Variants in DOCK4 observed in about 807,000 individuals in gnomAD.
The protein encoded by DOCK4 is dedicator of cytokinesis protein 4.
In DOCK4, 97 loss-of-function variants were observed where a neutral mutation model predicts 268.1. The ratio of observed to expected loss-of-function variants is 0.36; its 90% CI spans 0.31 to 0.43. DOCK4 has a LOEUF of 0.43. DOCK4 is among the 20% of genes least tolerant of loss of function. DOCK4 has a pLI of 1.00. For synonymous variants in DOCK4, 954 were observed against 887.2 expected (o/e 1.08, Z -1.34); for missense variants, 2,145 against 2,455.7 (o/e 0.87, Z 2.67).
At chr7:112,173,308 T>G (rs1273184803) in intron 1 of DOCK4, among the ~76,000 whole-genome samples, 2 of 152,204 alleles carry the variant, frequency 1.3e-5, no homozygotes. Context: ...TACTTTTCCA[T>G]GTTTCAACAC....
intron 1 of DOCK4, among the ~76,000 whole-genome samples, chr7:112,145,568 G>A (rs1040639781): frequency 2.0e-5 from 3 of 152,118 alleles, no homozygotes; most frequent in Admixed American, 6.6e-5. Flanking sequence ...AATTCCAAAC[G>A]GACATACCAT....
chr7:112,197,929 C>G (rs1048395941), intron 1 of DOCK4, among the ~76,000 whole-genome samples: 7 of 145,596 alleles, frequency 4.8e-5, no homozygotes, highest in African/African-American at 1.8e-4. Context: ...CTCAAGGTGG[C>G]CAAACAAAAA....
chr7:111,922,178 C>T (rs1793195330), intron 12 of DOCK4, among the ~76,000 whole-genome samples: 1 of 152,196 alleles, frequency 6.6e-6, no homozygotes, highest in African/African-American at 2.4e-5. Context: ...CTTTAGAAGA[C>T]ACTTAGCATG....
At chr7:112,120,596 C>T (rs960879) in intron 1 of DOCK4, among the ~76,000 whole-genome samples, 56,672 of 151,988 alleles carry the variant, frequency 0.37, 10,947 homozygotes, top group East Asian at 0.56. Context: ...CCTGGTTTGA[C>T]ATAAAGTCAA....
intron 1 of DOCK4, among the ~76,000 whole-genome samples, chr7:112,130,987 G>C (rs75997033): frequency 0.015 from 2,348 of 152,186 alleles, 64 homozygotes; most frequent in African/African-American, 0.055. Context: ...AATAAATAGG[G>C]TCATTTCTCA....
chr7:112,097,504 G>C (rs1810262179), intron 1 of DOCK4, among the ~76,000 whole-genome samples: 1 of 152,116 alleles, frequency 6.6e-6, no homozygotes, highest in African/African-American at 2.4e-5. Context: ...TTGAGCCTGA[G>C]AGGTCAAGGC....
At chr7:111,977,111 C>A (rs1215952554) in intron 8 of DOCK4, 21 bp downstream of exon 8, 30 of 1,611,682 alleles carry the variant, frequency 1.9e-5, no homozygotes, top group Non-Finnish European at 2.2e-5. Flanking sequence ...ACATTGAAAC[C>A]CTATCTCCAC....
chr7:111,745,454 G>A (rs920699535), intron 44 of DOCK4, among the ~76,000 whole-genome samples: 27 of 151,790 alleles, frequency 1.8e-4, no homozygotes, highest in African/African-American at 5.6e-4. Flanking sequence ...AGGCTGAGGC[G>A]GGTGGATCAC....
chr7:111,938,352 A>G (rs1794907114), intron 11 of DOCK4, among the ~76,000 whole-genome samples: 1 of 152,232 alleles, frequency 6.6e-6, no homozygotes, highest in African/African-American at 2.4e-5. Flanking sequence ...TCCCATAGGC[A>G]GTGGGCCACT....
chr7:112,026,575 T>C (rs902130337), intron 1 of DOCK4, among the ~76,000 whole-genome samples: 3 of 152,256 alleles, frequency 2.0e-5, no homozygotes, highest in Non-Finnish European at 4.4e-5. Flanking sequence ...TTTATATTTG[T>C]AAATTCTTCC....
chr7:111,888,575 T>C (rs997271134), intron 16 of DOCK4, among the ~76,000 whole-genome samples: 1 of 151,936 alleles, frequency 6.6e-6, no homozygotes, highest in Non-Finnish European at 1.5e-5. Flanking sequence ...GTGGCCATAG[T>C]GAAGTAGAAG....
chr7:112,062,809 C>T (rs1253445975), intron 1 of DOCK4, among the ~76,000 whole-genome samples: 2 of 152,158 alleles, frequency 1.3e-5, no homozygotes. Flanking sequence ...CCTCGAGTAG[C>T]TGGTATTACA....
chr7:111,732,578 C>T (rs1366703836), intron 51 of DOCK4: 2 of 423,776 alleles, frequency 4.7e-6, no homozygotes, highest in African/African-American at 4.0e-5. Flanking sequence ...TTCCGTTTCC[C>T]CAAAGTCCAG....
In DOCK4 at chr7:111,735,098, C is replaced by A. The variant is rs1795378138; in HGVS notation, c.5375G>T (p.Gly1792Val). 6.2e-7 allele frequency: 1 copy of A among 1,602,026 alleles called. No homozygotes were observed. The highest frequency in any genetic ancestry group is 1.3e-5 in the African/African-American group (1 of 74,868). ...GKEAKNMSDS[G>V]KLISPPVPPR... is the part of the protein sequence containing the mutation. ...AGGGACAGGGGGAGAGATAAGTTTC[C>A]CACTATCCGACATGTTCTTGGCTTC... Residue 1792 changes from glycine to valine, a missense_variant, in exon 51 of 53, where the codon GGG becomes GTG. Gly to Val is a moderately radical substitution (Grantham distance 109). Coordinates refer to ENST00000428084, the MANE Select transcript of DOCK4 (RefSeq NM_001363540.2).
At chr7:111,826,716 G>A (rs1269960857) in intron 26 of DOCK4, among the ~76,000 whole-genome samples, 1 of 151,988 alleles carries the variant, frequency 6.6e-6, no homozygotes, top group Non-Finnish European at 1.5e-5. Flanking sequence ...AACAGACATG[G>A]GGGATTACAA....
chr7:111,741,224 G>A lies in DOCK4; in HGVS notation c.4920-10C>T, dbSNP rs1446841245. ...TGGGTAACTTAACGGGCTGTTTCAG[G>A]GGGAAAAAAAAGGTCATTAACTCAG... On this transcript the variant is annotated splice_polypyrimidine_tract_variant and intron_variant, in intron 46 of 52. Coordinates refer to ENST00000428084, the MANE Select transcript of DOCK4 (RefSeq NM_001363540.2). The A allele has an allele frequency of 1.9e-6, 3 of 1,609,936 alleles. No homozygotes were observed. The highest frequency in any genetic ancestry group is 2.2e-5 in the South Asian group (2 of 90,216).
intron 8 of DOCK4, among the ~76,000 whole-genome samples, chr7:111,956,382 T>C (rs1354486541): frequency 1.3e-5 from 2 of 152,184 alleles, no homozygotes; most frequent in Non-Finnish European, 2.9e-5. Flanking sequence ...ACAGTAAGTA[T>C]AATAAATCGT....
intron 36 of DOCK4, 84 bp from the exon 37 acceptor site, chr7:111,769,761 G>T: frequency 1.4e-6 from 2 of 1,457,576 alleles, no homozygotes; most frequent in South Asian, 2.7e-5. Flanking sequence ...GACAAACTGG[G>T]GAAAAAAAAT....
At chr7:111,874,844 T>C (rs1586237519) in intron 17 of DOCK4, among the ~76,000 whole-genome samples, 1 of 152,222 alleles carries the variant, frequency 6.6e-6, no homozygotes, top group African/African-American at 2.4e-5. Context: ...ACGCAAAGCG[T>C]GTGCAGACAG....
Sources: gnomAD v4.1 joint callset for allele counts (sites outside exome capture counted in the v4.1 genomes callset) on GRCh38, gnomAD v4.1.1 for gene constraint, MANE v1.5 for transcripts, NCBI Gene and HGNC (gene_info 2026-07-23, HGNC 2026-07-21) for gene names.